Variants in DISC1 observed in about 807,000 individuals in gnomAD.
DISC1 encodes DISC1 scaffold protein.
DISC1 carries 57 observed loss-of-function variants against 84.5 expected under a neutral mutation model. That is an observed-to-expected ratio of 0.67 (90% CI 0.55 to 0.84). The LOEUF (loss-of-function observed/expected upper bound fraction) is 0.84, where lower values mean the gene tolerates loss of function less well. Ranked by LOEUF, DISC1 falls within the 40% of genes least tolerant of loss-of-function variation. The pLI, the probability that DISC1 is intolerant of heterozygous loss-of-function variation, is 0.00. For synonymous variants in DISC1, 411 were observed against 415.2 expected (o/e 0.99, Z 0.12); for missense variants, 1,000 against 1,057.8 (o/e 0.95, Z 0.76).
intron 3 of DISC1, among the ~76,000 whole-genome samples, chr1:231,740,389 C>T (rs1377743135): frequency 1.3e-5 from 2 of 152,134 alleles, no homozygotes; most frequent in African/African-American, 2.4e-5. Context: ...AGCCGTTGCC[C>T]GGATCTGGGT....
rs1269781376 is a variant in DISC1 at position 231,680,342 on chromosome 1, CTG to C, written c.68-13482_68-13481del. Among the ~76,000 whole-genome samples, 7 of 152,266 alleles carry C rather than the reference CTG, an allele frequency of 4.6e-5. No individual in the cohort carries two copies. The East Asian group carries it at 1.3e-3, about 29-fold the overall frequency. ...GTCCTCAAGTATAGATAAAAGACAA[CTG>C]TATTTTATTATAAATGCTTTCTTAT... On this transcript the variant is annotated intron_variant, in intron 1 of 12. Transcript: ENST00000439617.
intron 9 of DISC1, among the ~76,000 whole-genome samples, chr1:231,841,766 G>A (rs2125864160): frequency 6.6e-6 from 1 of 152,146 alleles, no homozygotes; most frequent in African/African-American, 2.4e-5. Context: ...GTAACCAAAG[G>A]CTGCTCTATG....
intron 10 of DISC1, among the ~76,000 whole-genome samples, chr1:231,967,464 C>T (rs1445153951): frequency 6.6e-6 from 1 of 152,124 alleles, no homozygotes; most frequent in African/African-American, 2.4e-5. Context: ...TACATGTATA[C>T]CACTTGTGAA....
intron 4 of DISC1, among the ~76,000 whole-genome samples, chr1:231,764,246 T>C (rs201668487): frequency 2.6e-5 from 4 of 152,228 alleles, no homozygotes; most frequent in Non-Finnish European, 4.4e-5. Flanking sequence ...ATGAGCTTTA[T>C]TTAAAACACA....
chr1:231,677,759 G>A (rs1347629386), intron 1 of DISC1, among the ~76,000 whole-genome samples: 8 of 152,140 alleles, frequency 5.3e-5, no homozygotes, highest in Admixed American at 4.6e-4. Flanking sequence ...CGGGTGGATC[G>A]CCTGAGGTCA....
intron 6 of DISC1, among the ~76,000 whole-genome samples, chr1:231,781,320 G>A (rs1238650392): frequency 1.3e-5 from 2 of 151,706 alleles, no homozygotes; most frequent in African/African-American, 2.4e-5. Context: ...AAATTCTCTG[G>A]GCTTGTTTTC....
At chr1:231,851,796 T>C (rs561359931) in intron 9 of DISC1, among the ~76,000 whole-genome samples, 2 of 152,144 alleles carry the variant, frequency 1.3e-5, no homozygotes, top group South Asian at 4.1e-4. Flanking sequence ...AGAATGAGCA[T>C]TTGAGGAGGC....
chr1:231,755,738 T>C (rs1326579414), intron 4 of DISC1, among the ~76,000 whole-genome samples: 1 of 152,222 alleles, frequency 6.6e-6, no homozygotes, highest in Non-Finnish European at 1.5e-5. Context: ...CTGAGGCATC[T>C]CTGGATCCTC....
chr1:232,007,567 T>C (rs758258921), intron 10 of DISC1, among the ~76,000 whole-genome samples: 27 of 152,220 alleles, frequency 1.8e-4, no homozygotes, highest in Non-Finnish European at 3.4e-4. Context: ...ATTTATCCAA[T>C]GCCTGTACCC....
chr1:232,037,347 C>A lies in DISC1; in HGVS notation c.*516C>A, dbSNP rs1247058290. 6.6e-6 allele frequency: 1 copy of A among 152,196 alleles called. No homozygotes were observed. Among genetic ancestry groups the A allele is most frequent in the Non-Finnish European group, 1.5e-5 (1 of 68,046 alleles). 9.4% of individuals were successfully genotyped at this position (152,196 alleles called of 1,614,324 possible). A position where few individuals can be genotyped will look rare whatever the true frequency, so the allele number is the denominator to read the frequency against. On this transcript the variant is annotated 3_prime_UTR_variant, in exon 13 of 13. Coordinates refer to ENST00000439617, the MANE Select transcript of DISC1 (RefSeq NM_018662.3). ...GAGTCTGGAGTTAACAGCTTTTCACCTTACTTCTCCTGTGATCTAATATTA... is the reference window on the plus strand; with the variant it reads ...GAGTCTGGAGTTAACAGCTTTTCACATTACTTCTCCTGTGATCTAATATTA...
chr1:231,651,088 G>A (rs989633246), intron 1 of DISC1, among the ~76,000 whole-genome samples: 1 of 152,158 alleles, frequency 6.6e-6, no homozygotes, highest in African/African-American at 2.4e-5. Context: ...GTCATTCTCT[G>A]TCCAGCTTTG....
chr1:231,656,870 G>GA (rs1206147376), intron 1 of DISC1, among the ~76,000 whole-genome samples: 1 of 152,158 alleles, frequency 6.6e-6, no homozygotes, highest in Non-Finnish European at 1.5e-5. Flanking sequence ...TTATAGATGA[G>GA]AGCATGCATT....
At chr1:231,818,267 T>C in intron 8 of DISC1, 62 bp from the exon 9 acceptor site, 1 of 1,524,828 alleles carries the variant, frequency 6.6e-7, no homozygotes, top group Non-Finnish European at 9.1e-7. Flanking sequence ...CTGCTAGATC[T>C]TCCATGTGTG....
chr1:231,758,809 A>G (rs2075375945), intron 4 of DISC1, among the ~76,000 whole-genome samples: 2 of 152,098 alleles, frequency 1.3e-5, no homozygotes, highest in African/African-American at 2.4e-5. Flanking sequence ...TCATGAATAC[A>G]TTGCATTTCT....
At chr1:231,905,080 A>G (rs914907155) in intron 9 of DISC1, among the ~76,000 whole-genome samples, 1 of 152,224 alleles carries the variant, frequency 6.6e-6, no homozygotes, top group African/African-American at 2.4e-5. Flanking sequence ...ATAACTTTAC[A>G]GTGGAGAAGC....
intron 9 of DISC1, among the ~76,000 whole-genome samples, chr1:231,892,636 C>T (rs969600702): frequency 2.0e-5 from 3 of 151,162 alleles, no homozygotes; most frequent in Admixed American, 2.0e-4. Flanking sequence ...CTGATGGAAT[C>T]CAGTGGGGGA....
Position 231,771,624 on chromosome 1 carries a change from C to T in DISC1, c.1634+554C>T, listed in dbSNP as rs548130591. 6.9e-5 allele frequency: 68 copies of T among 982,208 alleles called. No individual in the cohort carries two copies. In the Middle Eastern group the frequency reaches 1.6e-3, roughly 23 times the overall value. 60.8% of individuals were successfully genotyped at this position (982,208 alleles called of 1,614,324 possible). A position where few individuals can be genotyped will look rare whatever the true frequency, so the allele number is the denominator to read the frequency against. On this transcript the variant is annotated intron_variant, in intron 6 of 12. Transcript: ENST00000439617. ...TATTCATTTTACAGGTGAGGAAAAA[C>T]GTTTAAGAAGGTTATAATTTGCCCA...
chr1:231,713,632 G>A (rs906465688), intron 3 of DISC1, among the ~76,000 whole-genome samples: 5 of 148,012 alleles, frequency 3.4e-5, no homozygotes, highest in African/African-American at 1.2e-4. Flanking sequence ...CAAAAGTAAC[G>A]AAGAGAAGTA....
chr1:231,690,247 A>C (rs1474818839), intron 1 of DISC1, among the ~76,000 whole-genome samples: 4 of 152,164 alleles, frequency 2.6e-5, no homozygotes, highest in Non-Finnish European at 4.4e-5. Context: ...TCAGAGAGGA[A>C]GTAAGGCATC....
Sources: gnomAD v4.1 joint callset for allele counts (sites outside exome capture counted in the v4.1 genomes callset) on GRCh38, gnomAD v4.1.1 for gene constraint, MANE v1.5 for transcripts, NCBI Gene and HGNC (gene_info 2026-07-23, HGNC 2026-07-21) for gene names.